The following CHKB variants were observed in gnomAD, a reference collection of about 807,000 sequenced individuals.
CHKB encodes the protein choline/ethanolamine kinase.
A neutral mutation model predicts 57.3 loss-of-function variants in CHKB; 45 were observed. The observed-to-expected ratio is 0.79, with a 90% CI of 0.62 to 1.01. The LOEUF is 1.01. CHKB is among the 50% of genes least tolerant of loss of function. CHKB has a pLI of 0.00. For missense variants in CHKB, 517 were observed against 502.8 expected (o/e 1.03, Z -0.27); for synonymous variants, 224 against 201.8 (o/e 1.11, Z -0.93).
chr22:50,581,413 G>C lies in CHKB; in HGVS notation c.581+7C>G, dbSNP rs767408398. ...GTACAGGAGCCCTGAGGAGGCTCCT[G>C]ACTCACCGCTCCATGGTCCCAAACA... On this transcript the variant is annotated splice_region_variant and intron_variant, in intron 4 of 10. Transcript: ENST00000406938. 3.3e-5 allele frequency: 54 copies of C among 1,612,808 alleles called. No individual in the cohort carries two copies. The highest frequency in any genetic ancestry group is 4.5e-5 in the Non-Finnish European group (53 of 1,179,882).
chr22:50,582,611 C>T lies in CHKB; in HGVS notation c.171G>A (p.Leu57=). 6.2e-7 allele frequency: 1 copy of T among 1,611,240 alleles called. No individual in the cohort carries two copies. Among genetic ancestry groups the T allele is most frequent in the South Asian group, 1.1e-5 (1 of 90,954 alleles). ...GCTGCACTCGGCGCCAGGCCCCGCCCAAGTACTCCCGGCACCATTGGTAGG... is the reference window on the plus strand; with the variant it reads ...GCTGCACTCGGCGCCAGGCCCCGCCTAAGTACTCCCGGCACCATTGGTAGG... ...RRAYQWCREY[L]GGAWRRVQPE... Residue 57 remains leucine (L), a synonymous_variant, in exon 1 of 11, where the codon TTG becomes TTA. Transcript: ENST00000406938.
intron 9 of CHKB, 103 bp from the exon 10 acceptor site, chr22:50,579,610 C>A: frequency 6.7e-7 from 1 of 1,492,760 alleles, no homozygotes. Context: ...AACTTCTCCC[C>A]CACTGTCCTA....
intron 1 of CHKB, 34 bp downstream of exon 1, chr22:50,582,524 C>T (rs1338682925): frequency 2.5e-6 from 4 of 1,582,880 alleles, no homozygotes; most frequent in East Asian, 4.7e-5. Context: ...GACCCCGATC[C>T]GCGCACCGGA....
At chr22:50,581,692 G>A in intron 3 of CHKB, 57 bp downstream of exon 3, 1 of 1,579,928 alleles carries the variant, frequency 6.3e-7, no homozygotes, top group Non-Finnish European at 8.7e-7. Context: ...TGGGCACTGG[G>A]GTAGGGTTAG....
At chr22:50,581,927 C>T (rs2070699776) in intron 2 of CHKB, 65 bp from the exon 3 acceptor site, 1 of 1,393,142 alleles carries the variant, frequency 7.2e-7, no homozygotes, top group East Asian at 2.3e-5. Context: ...TGAGGGCTCG[C>T]CTTCCTCCCA....
intron 1 of CHKB, 57 bp downstream of exon 1, chr22:50,582,501 G>GCGGCTGA: frequency 6.5e-7 from 1 of 1,541,096 alleles, no homozygotes; most frequent in Non-Finnish European, 8.8e-7. Flanking sequence ...TGAGGGCCCC[G>GCGGCTGA]CGGCTGACCC....
chr22:50,581,592 G>C, intron 3 of CHKB, 39 bp from the exon 4 acceptor site: 1 of 1,613,500 alleles, frequency 6.2e-7, no homozygotes, highest in Non-Finnish European at 8.5e-7. Context: ...ATGGGGCTGG[G>C]GCAGGAGTGG....
Position 50,581,768 on chromosome 22 carries a change from C to G in CHKB, c.428G>C (p.Arg143Pro), listed in dbSNP as rs201257544. ...PQLYGVFPEG[R>P]LEQYIPSRPL... ...CCGTACTGGGATGTACTGTTCCAGCCGGCCCTCTGGGAAGACTCCGTACAG... is the reference window on the plus strand; with the variant it reads ...CCGTACTGGGATGTACTGTTCCAGCGGGCCCTCTGGGAAGACTCCGTACAG... Residue 143 changes from arginine to proline, a missense_variant, in exon 3 of 11, where the codon CGG (arginine) becomes CCG (proline). Physicochemically the swap from Arg to Pro is moderately radical, Grantham distance 103 (BLOSUM62 -2). Transcript: ENST00000406938. 3.1e-6 allele frequency: 5 copies of G among 1,613,218 alleles called. No homozygotes were observed.
chr22:50,579,085 C>G lies in CHKB; in HGVS notation c.*96G>C, dbSNP rs17001634. ...CCTGAACCTCAGTTTCACTTGGGGG[C>G]TCAGCCCAGTCGCCAGGGCCTTCTG... On this transcript the variant is annotated 3_prime_UTR_variant, in exon 11 of 11. Transcript: ENST00000406938. 45,175 of 1,231,266 alleles carry G rather than the reference C, an allele frequency of 0.037. 1,647 individuals carry two copies. Among genetic ancestry groups the G allele is most frequent in the South Asian group, 0.13 (9,994 of 77,806 alleles). 76.3% of individuals were successfully genotyped at this position (1,231,266 alleles called of 1,614,324 possible).
At position 50,579,145 on chromosome 22, in the gene CHKB, G is replaced by C. The variant is rs1438999847; in HGVS notation, c.*36C>G. The C allele has an allele frequency of 6.3e-7, 1 of 1,596,878 alleles. No individual in the cohort carries two copies. The highest frequency in any genetic ancestry group is 1.7e-5 in the Admixed American group (1 of 59,336). On this transcript the variant is annotated 3_prime_UTR_variant, in exon 11 of 11. Transcript: ENST00000406938. ...CCTCCCTCCAAGGTCCTGCCCTGGA[G>C]GCTCCAGGAGAAATCCAAGGAGTGG...
chr22:50,581,985 G>A, intron 2 of CHKB, 123 bp from the exon 3 acceptor site: 2 of 908,260 alleles, frequency 2.2e-6, no homozygotes, highest in South Asian at 1.4e-5. Context: ...CTGGAGCACA[G>A]GCTTTAGCGT....
intron 4 of CHKB, 49 bp downstream of exon 4, chr22:50,581,371 G>A: frequency 6.2e-7 from 1 of 1,608,430 alleles, no homozygotes; most frequent in Non-Finnish European, 8.5e-7. Context: ...CCGCTGGCAT[G>A]GAGGTTCAGC....
At position 50,579,510 on chromosome 22, in the gene CHKB, G is replaced by T; in HGVS notation, c.1032-3C>A. 6.2e-7 allele frequency: 1 copy of T among 1,612,832 alleles called. No homozygotes were observed. Among genetic ancestry groups the T allele is most frequent in the Non-Finnish European group, 8.5e-7 (1 of 1,179,586 alleles). On this transcript the variant is annotated splice_polypyrimidine_tract_variant and splice_region_variant and intron_variant, in intron 9 of 10. Coordinates refer to ENST00000406938, the MANE Select transcript of CHKB (RefSeq NM_005198.5). ...AGAAATGGGATGCCAGAGCATACCT[G>T]GGGGGAGGGCAGGAAAAGGAGGGGC... is the stretch of plus-strand genomic sequence containing the variant.
At chr22:50,582,020 G>A (rs1343848310) in intron 2 of CHKB, 158 bp from the exon 3 acceptor site, 2 of 785,110 alleles carry the variant, frequency 2.5e-6, no homozygotes, top group Non-Finnish European at 4.4e-6. Context: ...TTAGAGATGG[G>A]GGTCTCACTA....
chr22:50,579,392 C>T, intron 10 of CHKB, 34 bp downstream of exon 10: 1 of 1,603,604 alleles, frequency 6.2e-7, no homozygotes, highest in Non-Finnish European at 8.5e-7. Context: ...TCCCCAGCCC[C>T]CCAGCTAGCA....
chr22:50,582,480 A>G (rs750199673), intron 1 of CHKB, 78 bp downstream of exon 1: 12 of 1,479,478 alleles, frequency 8.1e-6, no homozygotes, highest in East Asian at 2.7e-5. Flanking sequence ...GGGCGAAAAC[A>G]TGGAGCATCC....
chr22:50,579,634 C>A, intron 9 of CHKB, 93 bp downstream of exon 9: 1 of 1,494,842 alleles, frequency 6.7e-7, no homozygotes, highest in East Asian at 2.3e-5. Flanking sequence ...CCACTCTCCA[C>A]AGCCACCTTC....
At position 50,579,515 on chromosome 22, in the gene CHKB, G is replaced by A. The variant is rs572890425; in HGVS notation, c.1032-8C>T. The A allele has an allele frequency of 1.9e-6, 3 of 1,613,140 alleles. No homozygotes were observed. The South Asian group carries it at 3.3e-5, about 18-fold the overall frequency. On this transcript the variant is annotated splice_polypyrimidine_tract_variant and splice_region_variant and intron_variant, in intron 9 of 10. Transcript: ENST00000406938. The stretch of plus-strand genomic sequence containing the variant: ...TGGGATGCCAGAGCATACCTGGGGG[G>A]AGGGCAGGAAAAGGAGGGGCATTCA...
chr22:50,580,511 A>T, intron 5 of CHKB, 54 bp downstream of exon 5: 1 of 1,609,424 alleles, frequency 6.2e-7, no homozygotes, highest in African/African-American at 1.3e-5. Flanking sequence ...AGCCCTCAGC[A>T]ACTACTGGAA....
Sources: allele counts gnomAD v4.1 joint callset, GRCh38; gene constraint gnomAD v4.1.1; transcripts MANE v1.5; gene names NCBI Gene and HGNC (gene_info 2026-07-23, HGNC 2026-07-21).